The following CNTNAP5 variants were observed in gnomAD, a reference collection of about 807,000 sequenced individuals.
CNTNAP5 encodes the protein contactin associated protein family member 5, also known as contactin-associated protein-like 5.
Under a neutral mutation model 150.2 loss-of-function variants are expected in CNTNAP5, and 72 were observed. That is an observed-to-expected ratio of 0.48 (90% CI 0.40 to 0.58). The LOEUF is 0.58. Ranked by LOEUF, CNTNAP5 falls within the 20% of genes least tolerant of loss-of-function variation. The probability of loss-of-function intolerance (pLI) is 0.00; values close to 1 mark genes in which losing one functional copy is unlikely to be tolerated. For missense variants in CNTNAP5, 1,636 were observed against 1,626.2 expected, an observed-to-expected ratio of 1.01 and a Z score of -0.10; for synonymous variants, 672 against 619.8, an observed-to-expected ratio of 1.08 and a Z score of -1.25.
At chr2:124,661,311 T>C (rs566674567) in intron 13 of CNTNAP5, among the ~76,000 whole-genome samples, 13 of 152,330 alleles carry the variant, frequency 8.5e-5, no homozygotes, top group African/African-American at 3.1e-4. Flanking sequence ...ACCTTCATTC[T>C]ATAAGCTTTT....
chr2:124,877,563 T>G (rs567704940), intron 21 of CNTNAP5, among the ~76,000 whole-genome samples: 1 of 152,128 alleles, frequency 6.6e-6, no homozygotes, highest in Non-Finnish European at 1.5e-5. Context: ...AAGCAAAAAC[T>G]ATTGAGCATT....
intron 13 of CNTNAP5, among the ~76,000 whole-genome samples, chr2:124,728,009 A>C (rs1032919360): frequency 3.3e-5 from 5 of 152,120 alleles, no homozygotes; most frequent in African/African-American, 1.2e-4. Context: ...AGTCTTTATC[A>C]TGAAGCAATG....
At chr2:124,784,182 A>C (rs1681515602) in intron 17 of CNTNAP5, among the ~76,000 whole-genome samples, 1 of 152,156 alleles carries the variant, frequency 6.6e-6, no homozygotes, top group Non-Finnish European at 1.5e-5. Context: ...GGAAGAAGGG[A>C]GGATGGAAAG....
At position 124,725,298 on chromosome 2, in the gene CNTNAP5, A is replaced by G. The variant is rs184257301; in HGVS notation, c.2078-21931A>G. On this transcript the variant is annotated intron_variant, in intron 13 of 23. Transcript: ENST00000682447. ...GATGCAGGGATTGTTATTTTTTTCC[A>G]GCTTTATTGAAGAATAATTGACAAA... is the stretch of plus-strand genomic sequence containing the variant. Among the ~76,000 whole-genome samples the G allele has an allele frequency of 2.4e-3, 368 of 151,940 alleles. 1 individual carries two copies. The highest frequency in any genetic ancestry group is 8.4e-3 in the African/African-American group (347 of 41,468).
chr2:124,637,437 A>G (rs1677994200), intron 12 of CNTNAP5, among the ~76,000 whole-genome samples: 1 of 152,208 alleles, frequency 6.6e-6, no homozygotes, highest in South Asian at 2.1e-4. Flanking sequence ...TTGCCTTTTT[A>G]GTGCAGCCCG....
intron 1 of CNTNAP5, among the ~76,000 whole-genome samples, chr2:124,080,126 A>C (rs1682527234): frequency 6.6e-6 from 1 of 152,216 alleles, no homozygotes; most frequent in Non-Finnish European, 1.5e-5. Context: ...ATTTGGAAAG[A>C]CATACTATGG....
At position 124,258,147 on chromosome 2, in the gene CNTNAP5, G is replaced by C. The variant is rs146543955; in HGVS notation, c.381+15754G>C. On this transcript the variant is annotated intron_variant, in intron 3 of 23. Coordinates refer to ENST00000682447, the MANE Select transcript of CNTNAP5 (RefSeq NM_001367498.1). The stretch of plus-strand genomic sequence containing the variant: ...GCAATGCAGATTGTGTGATGACTCT[G>C]CTGGGTGGCTACAGTTCTGGGGTAT... Among the ~76,000 whole-genome samples, 1,393 of 152,238 alleles carry C rather than the reference G, an allele frequency of 9.2e-3. 14 individuals carry two copies. The highest frequency in any genetic ancestry group is 0.013 in the Non-Finnish European group (890 of 68,006).
intron 1 of CNTNAP5, among the ~76,000 whole-genome samples, chr2:124,124,015 T>C (rs1299863471): frequency 2.0e-5 from 3 of 152,132 alleles, no homozygotes; most frequent in Admixed American, 1.3e-4. Flanking sequence ...TCCAAAGTAA[T>C]GCAACTCTTC....
chr2:124,437,761 GC>G (rs1279260930), intron 5 of CNTNAP5, among the ~76,000 whole-genome samples: 1 of 152,048 alleles, frequency 6.6e-6, no homozygotes, highest in East Asian at 1.9e-4. Flanking sequence ...AATCAGAAAA[GC>G]AAGAGAAATA....
At position 124,655,999 on chromosome 2, in the gene CNTNAP5, AAAGG is replaced by A. The variant is rs758197294; in HGVS notation, c.2077+8062_2077+8065del. ...AGAAAGAAAGAAAGAAAGAAAGAAA[AAAGG>A]AAGGAAGGAAGGAAGGAAGGGAGGG... On this transcript the variant is annotated intron_variant, in intron 13 of 23. Transcript: ENST00000682447. 1.5e-4 allele frequency among the ~76,000 whole-genome samples: 14 copies of A among 90,632 alleles called. 1 individual carries two copies. Among genetic ancestry groups the A allele is most frequent in the African/African-American group, 3.7e-4 (9 of 24,216 alleles). 59.5% of individuals were successfully genotyped at this position (90,632 alleles called of 152,430 possible). A position where few individuals can be genotyped will look rare whatever the true frequency, so the allele number is the denominator to read the frequency against.
chr2:124,304,201 C>T (rs556545891), intron 3 of CNTNAP5, among the ~76,000 whole-genome samples: 3 of 152,202 alleles, frequency 2.0e-5, no homozygotes, highest in Admixed American at 2.0e-4. Context: ...GAATAAATAA[C>T]TAGGCAAATC....
intron 3 of CNTNAP5, among the ~76,000 whole-genome samples, chr2:124,270,908 T>A (rs1687731822): frequency 6.6e-6 from 1 of 152,140 alleles, no homozygotes; most frequent in South Asian, 2.1e-4. Flanking sequence ...CGTGCCCCCA[T>A]GTTGGGTTCC....
intron 19 of CNTNAP5, among the ~76,000 whole-genome samples, chr2:124,846,735 G>A (rs1025955155): frequency 5.9e-5 from 9 of 152,168 alleles, no homozygotes; most frequent in Admixed American, 5.2e-4. Flanking sequence ...TCAAGGGCTA[G>A]TGTTAAGATT....
intron 12 of CNTNAP5, 142 bp downstream of exon 12, chr2:124,610,062 G>C (rs1677348019): frequency 1.1e-6 from 1 of 870,772 alleles, no homozygotes; most frequent in Non-Finnish European, 1.6e-6. Context: ...ATGGTATTCT[G>C]GTGAGTAATG....
intron 10 of CNTNAP5, among the ~76,000 whole-genome samples, chr2:124,559,141 T>C (rs1269395892): frequency 6.6e-6 from 1 of 152,240 alleles, no homozygotes; most frequent in African/African-American, 2.4e-5. Context: ...TGGACCACTC[T>C]AGATAAACCT....
chr2:124,231,171 G>T (rs1170619), intron 2 of CNTNAP5, among the ~76,000 whole-genome samples: 118,485 of 152,098 alleles, frequency 0.78, 46,387 homozygotes, highest in East Asian at 1. Context: ...CATTCTAGAG[G>T]ATCACTGAAC....
At chr2:124,065,703 G>C (rs1682135431) in intron 1 of CNTNAP5, among the ~76,000 whole-genome samples, 1 of 152,142 alleles carries the variant, frequency 6.6e-6, no homozygotes, top group African/African-American at 2.4e-5. Flanking sequence ...AAGAATGGCT[G>C]TACCAACCAA....
intron 13 of CNTNAP5, among the ~76,000 whole-genome samples, chr2:124,708,023 G>T (rs986740151): frequency 1.3e-5 from 2 of 152,178 alleles, no homozygotes; most frequent in Non-Finnish European, 2.9e-5. Context: ...TAACTAGTTG[G>T]ACCTACATGA....
At chr2:124,399,250 G>A (rs1399510622) in intron 3 of CNTNAP5, among the ~76,000 whole-genome samples, 2 of 152,118 alleles carry the variant, frequency 1.3e-5, no homozygotes, top group African/African-American at 4.8e-5. Flanking sequence ...AAGAGAGGAG[G>A]AGATCATGAT....
Sources: gnomAD v4.1 joint callset for allele counts (sites outside exome capture counted in the v4.1 genomes callset) on GRCh38, gnomAD v4.1.1 for gene constraint, MANE v1.5 for transcripts, NCBI Gene and HGNC (gene_info 2026-07-23, HGNC 2026-07-21) for gene names.